EEF2K: variants seen among roughly 807,000 people sequenced by gnomAD.
EEF2K encodes eukaryotic elongation factor 2 kinase.
EEF2K carries 70 observed loss-of-function variants against 93.8 expected under a neutral mutation model. The ratio of observed to expected loss-of-function variants is 0.75; its 90% CI spans 0.62 to 0.91. The LOEUF is 0.91. EEF2K is among the 40% of genes least tolerant of loss of function. EEF2K has a pLI of 0.00. For synonymous variants in EEF2K, 376 were observed against 380.8 expected, an observed-to-expected ratio of 0.99 and a Z score of 0.15; for missense variants, 935 against 972.9, an observed-to-expected ratio of 0.96 and a Z score of 0.52.
intron 2 of EEF2K, among the ~76,000 whole-genome samples, chr16:22,242,514 G>A (rs994532198): frequency 2.0e-5 from 3 of 151,098 alleles, no homozygotes; most frequent in East Asian, 2.0e-4. Context: ...GTTTCACCAC[G>A]TTGGCCAGGC....
intron 2 of EEF2K, among the ~76,000 whole-genome samples, chr16:22,230,089 A>G (rs1001891883): frequency 6.6e-6 from 1 of 152,164 alleles, no homozygotes; most frequent in South Asian, 2.1e-4. Flanking sequence ...GTCCTAAGGC[A>G]GCTTTGAAAT....
intron 2 of EEF2K, among the ~76,000 whole-genome samples, chr16:22,242,843 G>A (rs2047237674): frequency 6.6e-6 from 1 of 152,050 alleles, no homozygotes; most frequent in African/African-American, 2.4e-5. Flanking sequence ...TGTAAAGGCG[G>A]CGTATCCTTT....
At chr16:22,217,340 T>A (rs2046967981) in intron 1 of EEF2K, among the ~76,000 whole-genome samples, 1 of 152,008 alleles carries the variant, frequency 6.6e-6, no homozygotes, top group South Asian at 2.1e-4. Flanking sequence ...GGTTGTTCAC[T>A]AGAGTTGAGC....
At chr16:22,246,554 A>C (rs2047294037) in intron 3 of EEF2K, among the ~76,000 whole-genome samples, 1 of 148,586 alleles carries the variant, frequency 6.7e-6, no homozygotes, top group Non-Finnish European at 1.5e-5. Flanking sequence ...GTCACTTTGG[A>C]GATTCCAAGG....
At chr16:22,247,780 T>C (rs1403437157) in intron 3 of EEF2K, among the ~76,000 whole-genome samples, 1 of 152,154 alleles carries the variant, frequency 6.6e-6, no homozygotes, top group East Asian at 1.9e-4. Flanking sequence ...CCATGACCCT[T>C]ATGATGGGGA....
At chr16:22,278,576 G>A (rs528158637) in intron 16 of EEF2K, among the ~76,000 whole-genome samples, 1 of 152,210 alleles carries the variant, frequency 6.6e-6, no homozygotes, top group Non-Finnish European at 1.5e-5. Flanking sequence ...GGAGGGCAGC[G>A]CCTGTCAGAC....
intron 2 of EEF2K, among the ~76,000 whole-genome samples, chr16:22,230,552 T>TA (rs2047105465): frequency 6.7e-6 from 1 of 149,598 alleles, no homozygotes; most frequent in Non-Finnish European, 1.5e-5. Flanking sequence ...GACACGGTCT[T>TA]ACTCTGTCAC....
intron 17 of EEF2K, among the ~76,000 whole-genome samples, chr16:22,280,659 CTTTCT>C (rs2047684355): frequency 7.0e-6 from 1 of 142,956 alleles, no homozygotes; most frequent in African/African-American, 2.6e-5. Flanking sequence ...CCTTTCCTTT[CTTTCT>C]TTTTTTTTTT....
At chr16:22,279,864 C>T (rs954009376) in intron 16 of EEF2K, among the ~76,000 whole-genome samples, 4 of 152,048 alleles carry the variant, frequency 2.6e-5, no homozygotes, top group African/African-American at 4.8e-5. Context: ...GGTGTGGTGG[C>T]GTGCACCTGT....
In EEF2K at chr16:22,228,560, G is replaced by A. The variant is rs538438849; in HGVS notation, c.246+2585G>A. Among the ~76,000 whole-genome samples, 10 of 152,304 alleles carry A rather than the reference G, an allele frequency of 6.6e-5. No individual in the cohort carries two copies. The South Asian group carries it at 2.1e-3, about 32-fold the overall frequency. ...CCAAAGAGAACTTTATTTAATTCAG[G>A]TACCCGGGCCGACAGCAGGCCCACG... On this transcript the variant is annotated intron_variant, in intron 2 of 17. Coordinates refer to ENST00000263026, the MANE Select transcript of EEF2K (RefSeq NM_013302.5).
chr16:22,288,292 C>T lies in EEF2K; in HGVS notation c.*4296C>T, dbSNP rs553665158. 6.6e-6 allele frequency: 1 copy of T among 152,248 alleles called. No individual in the cohort carries two copies. Among genetic ancestry groups the T allele is most frequent in the East Asian group, 1.9e-4 (1 of 5,164 alleles). 9.4% of individuals were successfully genotyped at this position (152,248 alleles called of 1,614,324 possible). A position where few individuals can be genotyped will look rare whatever the true frequency, so the allele number is the denominator to read the frequency against. On this transcript the variant is annotated 3_prime_UTR_variant, in exon 18 of 18. Coordinates refer to ENST00000263026, the MANE Select transcript of EEF2K (RefSeq NM_013302.5). Reference sequence around the variant, plus strand: ...AGGCATGAGCCACCGTGCCAAGCCACGCCTGGCTAATTTTTTAAAATTATT... The same window carrying T: ...AGGCATGAGCCACCGTGCCAAGCCATGCCTGGCTAATTTTTTAAAATTATT...
At position 22,207,630 on chromosome 16, in the gene EEF2K, T is replaced by A. The variant is rs577968375; in HGVS notation, c.-77+951T>A. 5.9e-5 allele frequency among the ~76,000 whole-genome samples: 9 copies of A among 152,254 alleles called. No individual in the cohort carries two copies. The South Asian group carries it at 1.9e-3, about 32-fold the overall frequency. ...GGAGACATCTGATGGCCAAGAGCCC[T>A]GTGGTTGAGGGCCCTGGACAGGCTG... is the stretch of plus-strand genomic sequence containing the variant. On this transcript the variant is annotated intron_variant, in intron 1 of 17. Transcript: ENST00000263026.
chr16:22,242,202 G>A (rs2047230097), intron 2 of EEF2K, among the ~76,000 whole-genome samples: 1 of 151,790 alleles, frequency 6.6e-6, no homozygotes, highest in South Asian at 2.1e-4. Context: ...AGAGTGAGAG[G>A]CCTGGGCTCT....
chr16:22,248,960 GT>G, intron 4 of EEF2K, 145 bp downstream of exon 4: 1 of 770,084 alleles, frequency 1.3e-6, no homozygotes, highest in East Asian at 3.0e-5. Context: ...TTATTTATTG[GT>G]TGTAGCCAGC....
intron 2 of EEF2K, among the ~76,000 whole-genome samples, chr16:22,238,660 A>C (rs866903076): frequency 1.7e-4 from 24 of 137,892 alleles, no homozygotes; most frequent in African/African-American, 6.5e-4. Flanking sequence ...AAAAAAAAAG[A>C]AAAAAGGAAA....
At chr16:22,214,592 G>A (rs1299661818) in intron 1 of EEF2K, among the ~76,000 whole-genome samples, 1 of 152,108 alleles carries the variant, frequency 6.6e-6, no homozygotes, top group African/African-American at 2.4e-5. Context: ...TTGAGCCCAG[G>A]AGTTGGAGGC....
At chr16:22,241,500 C>G (rs1160306720) in intron 2 of EEF2K, among the ~76,000 whole-genome samples, 1 of 151,584 alleles carries the variant, frequency 6.6e-6, no homozygotes, top group Non-Finnish European at 1.5e-5. Context: ...CAAAAATTAG[C>G]CAGGCATGTT....
chr16:22,251,239 G>A lies in EEF2K; in HGVS notation c.535G>A (p.Asp179Asn), dbSNP rs1241270825. 9.9e-6 allele frequency: 16 copies of A among 1,614,010 alleles called. No individual in the cohort carries two copies. In the Middle Eastern group the frequency reaches 9.9e-4, roughly 99 times the overall value. ...AKRYIEPVDR[D>N]VYFEDVRLQM... ...GCGCTACATCGAGCCCGTAGACCGG[G>A]ATGTGTACTTTGAGGACGTGCGTCT... The change falls in exon 6 of 18, where the codon GAT (aspartate) becomes AAT (asparagine). Residue 179 changes from aspartate (D) to asparagine (N), a missense_variant. By Grantham distance (23) the Asp-to-Asn change is conservative (BLOSUM62 1). Transcript: ENST00000263026.
intron 15 of EEF2K, among the ~76,000 whole-genome samples, chr16:22,270,118 G>A (rs1380088368): frequency 6.6e-6 from 1 of 151,244 alleles, no homozygotes; most frequent in African/African-American, 2.4e-5. Flanking sequence ...CACCAAACCC[G>A]GCTACTTTTT....
Sources: gnomAD v4.1 joint callset for allele counts (sites outside exome capture counted in the v4.1 genomes callset) on GRCh38, gnomAD v4.1.1 for gene constraint, MANE v1.5 for transcripts, NCBI Gene and HGNC (gene_info 2026-07-23, HGNC 2026-07-21) for gene names.